RAB27B: variants seen among roughly 807,000 people sequenced by gnomAD.
RAB27B encodes the protein RAB27B, member RAS oncogene family, also known as ras-related protein Rab-27B.
A neutral mutation model predicts 24.6 loss-of-function variants in RAB27B; 15 were observed. The ratio of observed to expected loss-of-function variants is 0.61; its 90% CI spans 0.41 to 0.94. RAB27B has a LOEUF of 0.94. Ranked by LOEUF, RAB27B falls within the 40% of genes least tolerant of loss-of-function variation. The probability of loss-of-function intolerance (pLI) is 0.00; values close to 1 mark genes in which losing one functional copy is unlikely to be tolerated. For missense variants in RAB27B, 261 were observed against 266.8 expected (o/e 0.98, Z 0.15); for synonymous variants, 105 against 92.5 (o/e 1.14, Z -0.78).
intron 2 of RAB27B, among the ~76,000 whole-genome samples, chr18:54,817,486 A>G (rs1598927142): frequency 6.6e-6 from 1 of 152,330 alleles, no homozygotes; most frequent in Non-Finnish European, 1.5e-5. Context: ...TAAATATTTT[A>G]TCATAAATCT....
intron 1 of RAB27B, among the ~76,000 whole-genome samples, chr18:54,837,474 G>A (rs1426920722): frequency 1.3e-5 from 2 of 152,002 alleles, no homozygotes; most frequent in Admixed American, 1.3e-4. Flanking sequence ...AAGAAGAACT[G>A]CATTTGAGGT....
Position 54,804,325 on chromosome 18 carries a change from A to C in RAB27B, c.-19-73242A>C, listed in dbSNP as rs1909699982. On this transcript the variant is annotated intron_variant, in intron 2 of 4. Transcript: ENST00000586570. Reference sequence around the variant, plus strand: ...TCCCACATGTTGGTCAGGGGCAGGTAATTGAATCATGGGGACCAATCTTTC... The same window carrying C: ...TCCCACATGTTGGTCAGGGGCAGGTCATTGAATCATGGGGACCAATCTTTC... 2.0e-5 allele frequency among the ~76,000 whole-genome samples: 3 copies of C among 152,178 alleles called. No individual in the cohort carries two copies. In the South Asian group the frequency reaches 6.2e-4, roughly 32 times the overall value.
At position 54,765,261 on chromosome 18, in the gene RAB27B, G is replaced by A. The variant is rs146101821; in HGVS notation, c.-20+47120G>A. ...TCTACCTCAGCCTCCCAAAATGCTA[G>A]GATTGCAGGTGTGAGCCACTGTGCC... On this transcript the variant is annotated intron_variant, in intron 2 of 4. Coordinates refer to the RAB27B transcript ENST00000586570. Among the ~76,000 whole-genome samples the A allele has an allele frequency of 6.2e-3, 945 of 152,144 alleles. 11 individuals carry two copies. Among genetic ancestry groups the A allele is most frequent in the African/African-American group, 0.022 (899 of 41,530 alleles).
intron 2 of RAB27B, among the ~76,000 whole-genome samples, chr18:54,797,030 C>T (rs894090104): frequency 2.0e-5 from 3 of 152,140 alleles, no homozygotes; most frequent in Admixed American, 6.5e-5. Context: ...TTTTATCTAC[C>T]CTGATCATGT....
At chr18:54,828,120 A>G (rs1335268133), upstream of RAB27B, 1 of 152,066 alleles carries the variant, frequency 6.6e-6, no homozygotes, top group East Asian at 1.9e-4. Flanking sequence ...CCCACTCGCA[A>G]TCCCTCGCCT....
intron 2 of RAB27B, among the ~76,000 whole-genome samples, chr18:54,741,714 G>C (rs1260090974): frequency 6.6e-6 from 1 of 152,064 alleles, no homozygotes; most frequent in Non-Finnish European, 1.5e-5. Flanking sequence ...TGTTGCCCAA[G>C]CTGGTCTTGA....
intron 1 of RAB27B, among the ~76,000 whole-genome samples, chr18:54,841,170 T>G (rs1392329248): frequency 4.4e-4 from 12 of 27,228 alleles, no homozygotes; most frequent in Non-Finnish European, 7.0e-4. Context: ...GGTGGGGGGT[T>G]TGGTGAGAGG....
At chr18:54,802,243 C>T (rs1909634338) in intron 2 of RAB27B, among the ~76,000 whole-genome samples, 1 of 152,152 alleles carries the variant, frequency 6.6e-6, no homozygotes, top group South Asian at 2.1e-4. Flanking sequence ...TAGTAGAAAT[C>T]CTTGGAGAAG....
rs1908980504 is a variant in RAB27B at position 54,783,481 on chromosome 18, T to TGTGTGTGTGTGTG, written c.-20+65340_-20+65341insGTGTGTGTGTGTG. Reference sequence around the variant, plus strand: ...AATGTTAATTATGAAGCCTATGGCTTTGTGTGTGTGTGTGTGTGTGTGTGT... The same window carrying TGTGTGTGTGTGTG: ...AATGTTAATTATGAAGCCTATGGCTTGTGTGTGTGTGTGTGTGTGTGTGTGTGTGTGTGTGTGT... On this transcript the variant is annotated intron_variant, in intron 2 of 4. Coordinates refer to the RAB27B transcript ENST00000586570. Among the ~76,000 whole-genome samples, 606 of 149,786 alleles carry TGTGTGTGTGTGTG rather than the reference T, an allele frequency of 4.0e-3. 3 individuals are homozygous for TGTGTGTGTGTGTG. The highest frequency in any genetic ancestry group is 0.014 in the African/African-American group (589 of 40,806).
intron 3 of RAB27B, among the ~76,000 whole-genome samples, chr18:54,881,333 A>T (rs79977771): frequency 1.3e-5 from 2 of 151,958 alleles, no homozygotes; most frequent in Non-Finnish European, 2.9e-5. Flanking sequence ...TGGGTTCTAA[A>T]GGGGAGGGCT....
chr18:54,816,863 A>G (rs908091457), intron 2 of RAB27B, among the ~76,000 whole-genome samples: 2 of 152,224 alleles, frequency 1.3e-5, no homozygotes, highest in African/African-American at 2.4e-5. Context: ...ACATAAAGTC[A>G]TAATATAATG....
chr18:54,809,822 T>G (rs1909906627), intron 2 of RAB27B, among the ~76,000 whole-genome samples: 1 of 152,220 alleles, frequency 6.6e-6, no homozygotes, highest in African/African-American at 2.4e-5. Flanking sequence ...TAAGATTAAT[T>G]TCTTGGAAAA....
At chr18:54,733,622 A>C (rs961973064) in intron 2 of RAB27B, among the ~76,000 whole-genome samples, 1 of 149,492 alleles carries the variant, frequency 6.7e-6, no homozygotes, top group Non-Finnish European at 1.5e-5. Flanking sequence ...TAGTACCTAT[A>C]AATTTAGGTG....
intron 2 of RAB27B, among the ~76,000 whole-genome samples, chr18:54,735,902 A>G (rs1909878671): frequency 6.6e-6 from 1 of 152,232 alleles, no homozygotes; most frequent in African/African-American, 2.4e-5. Flanking sequence ...GACTTTTCAT[A>G]TATCAGGACC....
At position 54,820,082 on chromosome 18, in the gene RAB27B, G is replaced by C. The variant is rs556141126; in HGVS notation, c.-19-57485G>C. On this transcript the variant is annotated intron_variant, in intron 2 of 4. Transcript: ENST00000586570. ...GTGAATAGTGCTGCGATAAACATAC[G>C]TGTGCAAGTGTCTTTATAGCAGCAC... Among the ~76,000 whole-genome samples, 38 of 152,170 alleles carry C rather than the reference G, an allele frequency of 2.5e-4. No homozygotes were observed. The South Asian group carries it at 2.5e-3, about 10-fold the overall frequency.
At chr18:54,886,058 C>A (rs1005384505) in intron 4 of RAB27B, among the ~76,000 whole-genome samples, 7 of 152,140 alleles carry the variant, frequency 4.6e-5, no homozygotes, top group Non-Finnish European at 7.3e-5. Flanking sequence ...CTAGGCCCCA[C>A]CTCCCACATT....
At chr18:54,746,422 T>C (rs1910250084) in intron 2 of RAB27B, among the ~76,000 whole-genome samples, 1 of 152,186 alleles carries the variant, frequency 6.6e-6, no homozygotes, top group Non-Finnish European at 1.5e-5. Flanking sequence ...TTTGAAGTAT[T>C]GCTACATGGG....
chr18:54,840,442 C>A (rs1911063669), intron 1 of RAB27B, among the ~76,000 whole-genome samples: 1 of 152,024 alleles, frequency 6.6e-6, no homozygotes, highest in Non-Finnish European at 1.5e-5. Flanking sequence ...CAAAGTCATG[C>A]CTAATATTAG....
In RAB27B at chr18:54,718,450, G is replaced by T. The variant is rs1909258320; in HGVS notation, c.-20+309G>T. Among the ~76,000 whole-genome samples, 4 of 152,282 alleles carry T rather than the reference G, an allele frequency of 2.6e-5. 1 individual carries two copies. The South Asian group carries it at 8.3e-4, about 32-fold the overall frequency. The stretch of plus-strand genomic sequence containing the variant: ...ATGGATTCTGCTTTCTGTTTTCAAA[G>T]CTCAAAGACTGTCCTTTCTAATCAT... On this transcript the variant is annotated intron_variant, in intron 2 of 4. Coordinates refer to the RAB27B transcript ENST00000586570.
Sources: allele counts gnomAD v4.1 joint callset (sites outside exome capture counted in the v4.1 genomes callset), GRCh38; gene constraint gnomAD v4.1.1; transcripts MANE v1.5; gene names NCBI Gene and HGNC (gene_info 2026-07-23, HGNC 2026-07-21).